Variants in CCDC3 observed in about 807,000 individuals in gnomAD.
The protein encoded by CCDC3 is coiled-coil domain containing 3.
In CCDC3, 24 loss-of-function variants were observed where a neutral mutation model predicts 21.4. The ratio of observed to expected loss-of-function variants is 1.12; its 90% confidence interval spans 0.81 to 1.58. CCDC3 has a LOEUF of 1.58. CCDC3 is among the 40% of genes most tolerant of loss of function. The pLI, the probability that CCDC3 is intolerant of heterozygous loss-of-function variation, is 0.00. For missense variants in CCDC3, 425 were observed against 360.9 expected, an observed-to-expected ratio of 1.18 and a Z score of -1.44; for synonymous variants, 186 against 166.0, an observed-to-expected ratio of 1.12 and a Z score of -0.93.
At chr10:12,919,651 G>A (rs1057297106) in intron 2 of CCDC3, among the ~76,000 whole-genome samples, 1 of 151,722 alleles carries the variant, frequency 6.6e-6, no homozygotes, top group African/African-American at 2.4e-5. Context: ...GGGATTATCG[G>A]CTCCGGGGCT....
intron 2 of CCDC3, among the ~76,000 whole-genome samples, chr10:12,917,306 G>A (rs940081184): frequency 7.1e-6 from 1 of 140,332 alleles, no homozygotes; most frequent in Non-Finnish European, 1.5e-5. Context: ...CCATTCTCCT[G>A]CCTCAGCCTC....
chr10:12,989,009 A>C (rs144487517), intron 2 of CCDC3, among the ~76,000 whole-genome samples: 1 of 152,150 alleles, frequency 6.6e-6, no homozygotes, highest in East Asian at 1.9e-4. Flanking sequence ...AGCTTTCTGA[A>C]AACAGTATAT....
intron 2 of CCDC3, among the ~76,000 whole-genome samples, chr10:12,941,164 G>T (rs1232716412): frequency 6.6e-6 from 1 of 152,214 alleles, no homozygotes; most frequent in Non-Finnish European, 1.5e-5. Flanking sequence ...AACCAACGTG[G>T]TGACGAGAGT....
At chr10:12,974,877 C>A (rs867854485) in intron 2 of CCDC3, among the ~76,000 whole-genome samples, 1 of 152,166 alleles carries the variant, frequency 6.6e-6, no homozygotes, top group Non-Finnish European at 1.5e-5. Context: ...CATCGTTGAA[C>A]GTTACTAATA....
intron 1 of CCDC3, 86 bp downstream of exon 1, chr10:13,001,111 G>T: frequency 6.8e-7 from 1 of 1,462,688 alleles, no homozygotes. Context: ...GCTGCCCGGG[G>T]AGTTACCGGC....
chr10:12,937,449 T>C (rs779920732), intron 2 of CCDC3, among the ~76,000 whole-genome samples: 1 of 152,176 alleles, frequency 6.6e-6, no homozygotes, highest in Non-Finnish European at 1.5e-5. Context: ...TCACGTTCTA[T>C]CTCAATGTAC....
chr10:12,900,752 T>C (rs1305491768), intron 2 of CCDC3, among the ~76,000 whole-genome samples: 2 of 148,292 alleles, frequency 1.3e-5, no homozygotes, highest in African/African-American at 2.5e-5. Context: ...AATATGATGG[T>C]GATGGGTGAA....
At chr10:12,957,170 G>A (rs1007777665) in intron 2 of CCDC3, among the ~76,000 whole-genome samples, 1 of 152,138 alleles carries the variant, frequency 6.6e-6, no homozygotes, top group Non-Finnish European at 1.5e-5. Context: ...GATGGCCTAA[G>A]CACACTGACC....
chr10:13,007,183 A>T (rs1423694151), intron 5 of CCDC3, among the ~76,000 whole-genome samples: 2 of 152,076 alleles, frequency 1.3e-5, no homozygotes, highest in Non-Finnish European at 2.9e-5. Context: ...TGCTGTCGTG[A>T]AGGAAATACC....
chr10:13,009,694 CA>C (rs906005959), intron 5 of CCDC3, among the ~76,000 whole-genome samples: 92 of 152,256 alleles, frequency 6.0e-4, no homozygotes, highest in Non-Finnish European at 1.0e-3. Context: ...ACCTTTTGAA[CA>C]AATGGTGCTA....
At chr10:12,954,028 A>G (rs1835047474) in intron 2 of CCDC3, among the ~76,000 whole-genome samples, 2 of 152,236 alleles carry the variant, frequency 1.3e-5, no homozygotes, top group African/African-American at 4.8e-5. Flanking sequence ...ATCAATTTGA[A>G]TTTCATACAT....
At chr10:12,916,801 G>A (rs12783535) in intron 2 of CCDC3, among the ~76,000 whole-genome samples, 14,007 of 152,236 alleles carry the variant, frequency 0.092, 753 homozygotes, top group South Asian at 0.14. Context: ...CTGGGTCTGT[G>A]GCTGCTGGCT....
At chr10:12,944,007 C>G (rs1262603833) in intron 2 of CCDC3, among the ~76,000 whole-genome samples, 3 of 152,146 alleles carry the variant, frequency 2.0e-5, no homozygotes, top group African/African-American at 7.2e-5. Flanking sequence ...TGACATACAA[C>G]CGACCAGTGT....
chr10:12,952,713 G>A lies in CCDC3; in HGVS notation c.549+45625C>T, dbSNP rs555402880. 2.0e-5 allele frequency among the ~76,000 whole-genome samples: 3 copies of A among 152,238 alleles called. No individual in the cohort carries two copies. In the South Asian group the frequency reaches 6.2e-4, roughly 32 times the overall value. On this transcript the variant is annotated intron_variant, in intron 2 of 2. Transcript: ENST00000378825. ...TCAGTGTTCTCTGCCTGAGATTCCA[G>A]TCATTTTGGGAGCCCAGCAATTTAT...
intron 3 of CCDC3, among the ~76,000 whole-genome samples, chr10:13,075,683 A>T (rs12359922): frequency 6.6e-6 from 1 of 152,084 alleles, no homozygotes; most frequent in African/African-American, 2.4e-5. Context: ...TGAGCCTTCA[A>T]TGCTCAATAT....
intron 4 of CCDC3, among the ~76,000 whole-genome samples, chr10:13,064,307 T>C (rs2131434873): frequency 6.6e-6 from 1 of 152,238 alleles, no homozygotes; most frequent in Middle Eastern, 3.4e-3. Context: ...TTAAACCTGT[T>C]TTACAGATTA....
chr10:13,001,842 C>G (rs1393266058), upstream of CCDC3: 1 of 153,958 alleles, frequency 6.5e-6, no homozygotes, highest in Non-Finnish European at 1.4e-5. Flanking sequence ...CGGGTCCCGG[C>G]GCCGGCTGGG....
chr10:13,096,837 C>T (rs111464360), intron 3 of CCDC3, among the ~76,000 whole-genome samples: 133 of 152,280 alleles, frequency 8.7e-4, no homozygotes, highest in African/African-American at 3.1e-3. Flanking sequence ...TCCCACTCCT[C>T]CTCCCAATCT....
chr10:13,080,405 A>AT (rs1837023519), intron 3 of CCDC3, among the ~76,000 whole-genome samples: 1 of 152,202 alleles, frequency 6.6e-6, no homozygotes, highest in South Asian at 2.1e-4. Flanking sequence ...TATGCAAGAA[A>AT]TGTTGTATAA....
Sources: allele counts gnomAD v4.1 joint callset (sites outside exome capture counted in the v4.1 genomes callset), GRCh38; gene constraint gnomAD v4.1.1; transcripts MANE v1.5; gene names NCBI Gene and HGNC (gene_info 2026-07-23, HGNC 2026-07-21).